The following IARS1 variants were observed in gnomAD, a reference collection of about 807,000 sequenced individuals.
The protein encoded by IARS1 is isoleucine--tRNA ligase, cytoplasmic.
A neutral mutation model predicts 168.2 loss-of-function variants in IARS1; 124 were observed. The observed-to-expected ratio is 0.74, with a 90% CI of 0.64 to 0.86. The LOEUF is 0.86. Among genes scored for constraint, IARS1 ranks in the 40% least tolerant of loss-of-function variants. IARS1 has a pLI of 0.00. For synonymous variants in IARS1, 532 were observed against 529.4 expected, an observed-to-expected ratio of 1.00 and a Z score of -0.07; for missense variants, 1,452 against 1,515.8, an observed-to-expected ratio of 0.96 and a Z score of 0.70.
chr9:92,239,766 C>A (rs1458236643), intron 30 of IARS1, among the ~76,000 whole-genome samples: 1 of 152,136 alleles, frequency 6.6e-6, no homozygotes, highest in Non-Finnish European at 1.5e-5. Context: ...TTCTCTGATA[C>A]CCCTGTGACA....
intron 33 of IARS1, among the ~76,000 whole-genome samples, chr9:92,216,253 A>G (rs1047295243): frequency 8.7e-5 from 13 of 149,814 alleles, no homozygotes; most frequent in African/African-American, 3.2e-4. Flanking sequence ...GGCCTGCCCT[A>G]AAAGAGCTCC....
chr9:92,254,683 G>C (rs752741931), intron 20 of IARS1, among the ~76,000 whole-genome samples: 4 of 152,176 alleles, frequency 2.6e-5, no homozygotes, highest in Non-Finnish European at 5.9e-5. Flanking sequence ...CTCTGAGGGA[G>C]TAAATGAACC....
At chr9:92,286,081 T>C (rs1835406478) in intron 5 of IARS1, 1 of 402,962 alleles carries the variant, frequency 2.5e-6, no homozygotes, top group Non-Finnish European at 4.5e-6. Flanking sequence ...GAAAAGCAAC[T>C]GGCAGGCTGG....
chr9:92,282,924 G>A (rs1834868659), intron 6 of IARS1, among the ~76,000 whole-genome samples: 1 of 146,806 alleles, frequency 6.8e-6, no homozygotes, highest in Non-Finnish European at 1.5e-5. Flanking sequence ...GCACACTTTC[G>A]GCTCACTGCA....
intron 33 of IARS1, among the ~76,000 whole-genome samples, chr9:92,218,205 C>T (rs1839066019): frequency 6.8e-6 from 1 of 146,364 alleles, no homozygotes; most frequent in South Asian, 2.2e-4. Context: ...GCAGAAAAAG[C>T]CTTTGACAAA....
chr9:92,250,200 G>C lies in IARS1; in HGVS notation c.2519C>G (p.Thr840Ser), dbSNP rs759327644. 9.3e-6 allele frequency: 15 copies of C among 1,605,302 alleles called. No individual in the cohort carries two copies. Among genetic ancestry groups the C allele is most frequent in the Non-Finnish European group, 1.3e-5 (15 of 1,172,014 alleles). Reference protein sequence around the residue: ...ELGRVIRDRKTIPIKYPLKEI... With the variant: ...ELGRVIRDRKSIPIKYPLKEI... ...AAAATTTCAAACCTTTATGGGAATA[G>C]TTTTTCGGTCTCTGATCACTCTTCC... Residue 840 changes from threonine (T) to serine (S), a missense_variant, in exon 24 of 34, where the codon ACT becomes AGT. Thr to Ser is a moderately conservative substitution (Grantham distance 58). Coordinates refer to ENST00000443024, the MANE Select transcript of IARS1 (RefSeq NM_002161.6).
intron 12 of IARS1, 101 bp from the exon 13 acceptor site, chr9:92,270,084 T>C: frequency 2.9e-6 from 2 of 687,432 alleles, no homozygotes; most frequent in Non-Finnish European, 5.3e-6. Context: ...CATCACTTAC[T>C]TGGCCTTCTG....
At chr9:92,262,933 A>G in intron 17 of IARS1, 36 bp downstream of exon 17, 4 of 1,485,632 alleles carry the variant, frequency 2.7e-6, no homozygotes, top group South Asian at 1.1e-5. Context: ...CAGTGGAGAC[A>G]AAGTTCCACC....
Position 92,229,104 on chromosome 9 carries a change from A to G in IARS1, c.3306T>C (p.Asn1102=). The change falls in exon 31 of 34, where the codon AAT becomes AAC. Residue 1102 remains asparagine (N), a synonymous_variant. Coordinates refer to ENST00000443024, the MANE Select transcript of IARS1 (RefSeq NM_002161.6). ...GGTCCAACCTATTGTCACCTTTTGG[A>G]TTTTCCAGGAGCAATACTCCACCTA... ...SEQGGVLLLE[N]PKGDNRLDLL... is the part of the protein sequence containing the mutation. 6.2e-7 allele frequency: 1 copy of G among 1,613,892 alleles called. No individual in the cohort carries two copies. The highest frequency in any genetic ancestry group is 8.5e-7 in the Non-Finnish European group (1 of 1,179,958).
chr9:92,260,523 C>T (rs1172392024), intron 17 of IARS1, among the ~76,000 whole-genome samples: 5 of 151,962 alleles, frequency 3.3e-5, no homozygotes, highest in East Asian at 1.9e-4. Context: ...GGCGTGGGGG[C>T]GCACACTTGT....
intron 4 of IARS1, 140 bp from the exon 5 acceptor site, chr9:92,286,758 CA>C: frequency 1.9e-6 from 1 of 525,394 alleles, no homozygotes. Flanking sequence ...TCTATACTGC[CA>C]ACAACATATT....
chr9:92,228,719 C>A (rs1334634984), intron 31 of IARS1, among the ~76,000 whole-genome samples: 1 of 152,058 alleles, frequency 6.6e-6, no homozygotes, highest in Non-Finnish European at 1.5e-5. Flanking sequence ...GTCTCAAAAA[C>A]AAAAACAACC....
In IARS1 at chr9:92,271,644, C is replaced by A. The variant is rs1324581004; in HGVS notation, c.1002G>T (p.Arg334=). ...GAATAATGTTAAAGTCCATACAGAC[C>A]CGATAGTCCTCCTGAGAAAAGGCAA... ...QAPYFGAEDY[R]VCMDFNIIRK... is the part of the protein sequence containing the mutation. The change falls in exon 11 of 34, where the codon CGG becomes CGT. Residue 334 remains arginine, a synonymous_variant. Coordinates refer to ENST00000443024, the MANE Select transcript of IARS1 (RefSeq NM_002161.6). 3.7e-6 allele frequency: 6 copies of A among 1,613,840 alleles called. No individual in the cohort carries two copies. The highest frequency in any genetic ancestry group is 3.3e-5 in the South Asian group (3 of 91,074).
intron 7 of IARS1, among the ~76,000 whole-genome samples, chr9:92,278,968 G>GTT (rs1564185814): frequency 2.0e-5 from 3 of 152,252 alleles, no homozygotes; most frequent in African/African-American, 7.2e-5. Flanking sequence ...TACCCTTATT[G>GTT]TAAGTGTTTC....
intron 33 of IARS1, among the ~76,000 whole-genome samples, chr9:92,218,916 A>C (rs1329024666): frequency 3.3e-5 from 5 of 152,060 alleles, no homozygotes; most frequent in Admixed American, 2.6e-4. Flanking sequence ...AATTGGAAAA[A>C]ACTACTTTAA....
At chr9:92,227,408 G>T (rs1328341019) in intron 31 of IARS1, among the ~76,000 whole-genome samples, 1 of 140,696 alleles carries the variant, frequency 7.1e-6, no homozygotes, top group East Asian at 2.0e-4. Flanking sequence ...CTCACCTCCC[G>T]GACAGGGCGG....
intron 31 of IARS1, among the ~76,000 whole-genome samples, chr9:92,226,064 C>T: frequency 6.6e-6 from 1 of 152,190 alleles, no homozygotes; most frequent in East Asian, 1.9e-4. Flanking sequence ...TACTTCTCAT[C>T]CTACCGTGAC....
chr9:92,247,231 A>T (rs1829332523), intron 26 of IARS1, 146 bp downstream of exon 26: 3 of 598,460 alleles, frequency 5.0e-6, no homozygotes, highest in Non-Finnish European at 8.7e-6. Context: ...AGAAGAGAGT[A>T]AGGAAAGGAA....
At chr9:92,228,586 T>C (rs1405275682) in intron 31 of IARS1, among the ~76,000 whole-genome samples, 6 of 152,062 alleles carry the variant, frequency 3.9e-5, no homozygotes, top group Non-Finnish European at 8.8e-5. Context: ...GGTGGTGGCA[T>C]GCCTGTAGTC....
Sources: gnomAD v4.1 joint callset for allele counts (sites outside exome capture counted in the v4.1 genomes callset) on GRCh38, gnomAD v4.1.1 for gene constraint, MANE v1.5 for transcripts, NCBI Gene and HGNC (gene_info 2026-07-23, HGNC 2026-07-21) for gene names.